The following PLCG2 variants were observed in gnomAD, a reference collection of about 807,000 sequenced individuals.
PLCG2 encodes the protein phospholipase C gamma 2.
A neutral mutation model predicts 175.6 loss-of-function variants in PLCG2; 69 were observed. That is an observed-to-expected ratio of 0.39 (90% CI 0.32 to 0.48). The LOEUF (loss-of-function observed/expected upper bound fraction) is 0.48, where lower values mean the gene tolerates loss of function less well. Ranked by LOEUF, PLCG2 falls within the 20% of genes least tolerant of loss-of-function variation. The pLI is 0.91. For missense variants in PLCG2, 1,798 were observed against 1,650.9 expected (o/e 1.09, Z -1.54); for synonymous variants, 827 against 624.0 (o/e 1.33, Z -4.85).
intron 2 of PLCG2, among the ~76,000 whole-genome samples, chr16:81,840,620 C>G (rs1380223688): frequency 6.6e-6 from 1 of 152,152 alleles, no homozygotes; most frequent in Non-Finnish European, 1.5e-5. Context: ...ATGTGCAGTT[C>G]TCAATAAGGT....
chr16:81,925,964 T>A (rs1309208956), intron 22 of PLCG2, among the ~76,000 whole-genome samples: 1 of 151,620 alleles, frequency 6.6e-6, no homozygotes, highest in African/African-American at 2.4e-5. Context: ...AAGTATAAGA[T>A]GTGGCTGCTT....
intron 2 of PLCG2, among the ~76,000 whole-genome samples, chr16:81,770,796 C>G (rs1404298982): frequency 1.3e-5 from 2 of 152,070 alleles, no homozygotes; most frequent in African/African-American, 2.4e-5. Context: ...CGGTGGCTCA[C>G]GCCTGTTATC....
At chr16:81,801,890 A>G (rs143726363) in intron 2 of PLCG2, among the ~76,000 whole-genome samples, 3,755 of 151,958 alleles carry the variant, frequency 0.025, 161 homozygotes, top group African/African-American at 0.085. Flanking sequence ...TATGTTGGTC[A>G]GGCTGGTCTC....
chr16:81,897,090 CAT>C (rs1908927085), intron 13 of PLCG2, among the ~76,000 whole-genome samples: 1 of 152,220 alleles, frequency 6.6e-6, no homozygotes, highest in Admixed American at 6.5e-5. Flanking sequence ...GAGGTAAACA[CAT>C]GAGTCTGGCT....
At chr16:81,806,451 C>T (rs574742685) in intron 2 of PLCG2, among the ~76,000 whole-genome samples, 9 of 152,108 alleles carry the variant, frequency 5.9e-5, no homozygotes, top group Non-Finnish European at 1.2e-4. Flanking sequence ...GCCCGAGCAT[C>T]CAGTGCCAGC....
At chr16:81,745,103 C>G (rs1406372275) in intron 1 of PLCG2, among the ~76,000 whole-genome samples, 1 of 152,202 alleles carries the variant, frequency 6.6e-6, no homozygotes, top group Non-Finnish European at 1.5e-5. Context: ...TAAATGACCT[C>G]CAGCAACGGG....
chr16:81,803,931 C>T (rs1020053703), intron 2 of PLCG2, among the ~76,000 whole-genome samples: 1 of 152,158 alleles, frequency 6.6e-6, no homozygotes. Context: ...ATCCACCTGC[C>T]TTGCCTCCCA....
At chr16:81,936,476 A>G (rs1220307556) in intron 27 of PLCG2, 98 bp downstream of exon 27, 29 of 923,394 alleles carry the variant, frequency 3.1e-5, no homozygotes, top group Non-Finnish European at 5.1e-5. Flanking sequence ...GTGGTGTCCA[A>G]GAATGAGTGA....
At chr16:81,854,327 G>T in intron 2 of PLCG2, 117 bp from the exon 3 acceptor site, 1 of 890,538 alleles carries the variant, frequency 1.1e-6, no homozygotes, top group Non-Finnish European at 1.8e-6. Context: ...AGATAGCTTT[G>T]CGGGATCCTG....
At chr16:81,785,173 G>C (rs1268054371) in intron 1 of PLCG2, among the ~76,000 whole-genome samples, 1 of 152,126 alleles carries the variant, frequency 6.6e-6, no homozygotes, top group Non-Finnish European at 1.5e-5. Flanking sequence ...CCAAGGTTTT[G>C]GGCCCAAGCA....
intron 2 of PLCG2, among the ~76,000 whole-genome samples, chr16:81,805,767 G>GT (rs766609754): frequency 0.014 from 554 of 39,358 alleles, 31 homozygotes; most frequent in Middle Eastern, 0.023. Flanking sequence ...GTTTTGTTTT[G>GT]TTTTTTTTTT....
intron 2 of PLCG2, among the ~76,000 whole-genome samples, chr16:81,805,500 GAAAAA>G (rs1316978784): frequency 1.8e-5 from 1 of 54,262 alleles, no homozygotes; most frequent in Non-Finnish European, 4.2e-5. Flanking sequence ...CTCCATCTCA[GAAAAA>G]AAAAAAAAAA....
intron 2 of PLCG2, among the ~76,000 whole-genome samples, chr16:81,853,345 A>G (rs1238948824): frequency 6.6e-5 from 10 of 151,590 alleles, no homozygotes; most frequent in Admixed American, 4.6e-4. Context: ...AAAAAAAACA[A>G]AACAACAAAA....
chr16:81,773,063 C>G (rs1001425609), intron 2 of PLCG2, among the ~76,000 whole-genome samples: 1 of 152,204 alleles, frequency 6.6e-6, no homozygotes, highest in African/African-American at 2.4e-5. Flanking sequence ...CCTAAATATA[C>G]TGCCAAATGT....
At chr16:81,868,031 A>G (rs112895477) in intron 5 of PLCG2, among the ~76,000 whole-genome samples, 4 of 152,218 alleles carry the variant, frequency 2.6e-5, no homozygotes, top group African/African-American at 7.2e-5. Flanking sequence ...GAACCTCACT[A>G]TGTGGCTTCG....
intron 2 of PLCG2, among the ~76,000 whole-genome samples, chr16:81,804,800 C>G (rs1038103953): frequency 2.0e-5 from 3 of 152,160 alleles, no homozygotes; most frequent in Non-Finnish European, 4.4e-5. Flanking sequence ...CTAAGAGGAA[C>G]CTGGAGAAAT....
At chr16:81,820,025 G>C (rs1032600678) in intron 2 of PLCG2, among the ~76,000 whole-genome samples, 1 of 152,152 alleles carries the variant, frequency 6.6e-6, no homozygotes, top group Non-Finnish European at 1.5e-5. Flanking sequence ...GGGAGCACTG[G>C]ACCCAAACTA....
intron 6 of PLCG2, among the ~76,000 whole-genome samples, chr16:81,870,011 C>G (rs547876054): frequency 2.0e-5 from 3 of 152,164 alleles, no homozygotes; most frequent in Non-Finnish European, 4.4e-5. Context: ...TTCCTCAGTG[C>G]AAAAAGCTCA....
intron 23 of PLCG2, 28 bp from the exon 24 acceptor site, chr16:81,928,530 A>G (rs1195567854): frequency 1.4e-6 from 2 of 1,450,054 alleles, no homozygotes; most frequent in African/African-American, 1.4e-5. Context: ...GTTACAACTA[A>G]CGTGAGTTAT....
Sources: allele counts gnomAD v4.1 joint callset (sites outside exome capture counted in the v4.1 genomes callset), GRCh38; gene constraint gnomAD v4.1.1; transcripts MANE v1.5; gene names NCBI Gene and HGNC (gene_info 2026-07-23, HGNC 2026-07-21).